CLIC4: variants seen among roughly 807,000 people sequenced by gnomAD.
CLIC4 encodes CLIC family member 4.
CLIC4 carries 13 observed loss-of-function variants against 24.6 expected under a neutral mutation model. The ratio of observed to expected loss-of-function variants is 0.53; its 90% CI spans 0.34 to 0.84. CLIC4 has a LOEUF of 0.84. CLIC4 is among the 40% of genes least tolerant of loss of function. The pLI is 0.01. For missense variants in CLIC4, 227 were observed against 301.7 expected (o/e 0.75, Z 1.83); for synonymous variants, 104 against 111.3 (o/e 0.93, Z 0.41).
intron 2 of CLIC4, among the ~76,000 whole-genome samples, chr1:24,812,616 TA>T (rs961186330): frequency 3.1e-4 from 46 of 150,434 alleles, no homozygotes; most frequent in East Asian, 9.7e-4. Flanking sequence ...GTATTTTGGT[TA>T]AAAAAAAAAT....
rs1639967997 is a variant in CLIC4 at position 24,843,978 on chromosome 1, A to G, written c.*3041A>G. On this transcript the variant is annotated 3_prime_UTR_variant, in exon 6 of 6. Coordinates refer to ENST00000374379, the MANE Select transcript of CLIC4 (RefSeq NM_013943.3). ...TGCATTAATTTGAATTTAAGCATTT[A>G]ATTCAAAGAGAGGGGAGCATCCATT... 1 of 152,646 alleles carries G rather than the reference A, an allele frequency of 6.6e-6. No homozygotes were observed. The highest frequency in any genetic ancestry group is 1.5e-5 in the Non-Finnish European group (1 of 68,020). 9.5% of individuals were successfully genotyped at this position (152,646 alleles called of 1,614,324 possible). A position where few individuals can be genotyped will look rare whatever the true frequency, so the allele number is the denominator to read the frequency against.
chr1:24,781,124 A>C, intron 1 of CLIC4, among the ~76,000 whole-genome samples: 1 of 136,174 alleles, frequency 7.3e-6, no homozygotes, highest in African/African-American at 2.7e-5. Flanking sequence ...TTGAAAGGAC[A>C]GGTAACTGAA....
chr1:24,815,922 T>C (rs746698172), intron 3 of CLIC4, among the ~76,000 whole-genome samples: 1 of 152,192 alleles, frequency 6.6e-6, no homozygotes, highest in African/African-American at 2.4e-5. Flanking sequence ...AAATTCCTTG[T>C]TGTCATTTCA....
chr1:24,797,665 T>G (rs887233328), intron 1 of CLIC4, 77 bp from the exon 2 acceptor site: 7 of 1,024,348 alleles, frequency 6.8e-6, no homozygotes, highest in African/African-American at 1.6e-5. Flanking sequence ...TACTCTTGAT[T>G]AAAATTCAGA....
At chr1:24,748,429 TAAG>T (rs1638732534) in intron 1 of CLIC4, among the ~76,000 whole-genome samples, 2 of 149,908 alleles carry the variant, frequency 1.3e-5, no homozygotes, top group Admixed American at 1.3e-4. Context: ...ATTTGTGAAA[TAAG>T]AAATGTTTTC....
At chr1:24,799,688 G>T (rs113959050) in intron 2 of CLIC4, among the ~76,000 whole-genome samples, 1 of 141,672 alleles carries the variant, frequency 7.1e-6, no homozygotes, top group Admixed American at 6.8e-5. Context: ...CGCCCCGTCC[G>T]GGAGGGAGGT....
intron 2 of CLIC4, among the ~76,000 whole-genome samples, chr1:24,798,668 G>A (rs185051461): frequency 6.6e-6 from 1 of 151,268 alleles, no homozygotes; most frequent in Admixed American, 6.6e-5. Context: ...CTCTTTCCAC[G>A]GTCTCCCTCT....
At chr1:24,793,133 GTTCT>G (rs893769414) in intron 1 of CLIC4, 35 of 146,066 alleles carry the variant, frequency 2.4e-4, no homozygotes, top group African/African-American at 8.8e-4. Context: ...AGTCAGACTA[GTTCT>G]TTGTGTACCA....
At chr1:24,822,537 C>T (rs1044423426) in intron 3 of CLIC4, among the ~76,000 whole-genome samples, 6 of 151,532 alleles carry the variant, frequency 4.0e-5, no homozygotes, top group Non-Finnish European at 7.4e-5. Flanking sequence ...TTAGTAGAGA[C>T]GGGGTTTCAC....
intron 4 of CLIC4, among the ~76,000 whole-genome samples, chr1:24,837,479 G>C (rs915778788): frequency 5.9e-5 from 9 of 152,172 alleles, no homozygotes; most frequent in Non-Finnish European, 1.2e-4. Context: ...AAGAAGTAAG[G>C]TTATACTTTC....
At chr1:24,839,409 C>G (rs1156811735) in intron 4 of CLIC4, among the ~76,000 whole-genome samples, 3 of 152,180 alleles carry the variant, frequency 2.0e-5, no homozygotes, top group Non-Finnish European at 4.4e-5. Flanking sequence ...ACGCCATTCT[C>G]CTGCCTCAGC....
intron 3 of CLIC4, among the ~76,000 whole-genome samples, chr1:24,817,712 CT>C (rs1397166683): frequency 6.6e-6 from 1 of 152,210 alleles, no homozygotes; most frequent in African/African-American, 2.4e-5. Flanking sequence ...CCTATCTCAG[CT>C]TTTGGCCTGT....
At chr1:24,814,021 T>C in intron 2 of CLIC4, 73 bp from the exon 3 acceptor site, 2 of 1,591,788 alleles carry the variant, frequency 1.3e-6, no homozygotes, top group African/African-American at 2.7e-5. Context: ...CTGGCCAACT[T>C]TGAGAATTTA....
At chr1:24,751,782 T>G (rs1428725394) in intron 1 of CLIC4, among the ~76,000 whole-genome samples, 1 of 152,180 alleles carries the variant, frequency 6.6e-6, no homozygotes, top group East Asian at 1.9e-4. Flanking sequence ...GAGAATCACT[T>G]GAACCCGGGA....
At chr1:24,770,142 G>C (rs943783673) in intron 1 of CLIC4, among the ~76,000 whole-genome samples, 3 of 152,118 alleles carry the variant, frequency 2.0e-5, no homozygotes, top group Admixed American at 6.6e-5. Flanking sequence ...GAGCCATTGT[G>C]CTTGGCCTCA....
chr1:24,818,813 A>C (rs201640541), intron 3 of CLIC4, among the ~76,000 whole-genome samples: 1 of 36 alleles, frequency 0.028, no homozygotes, highest in Non-Finnish European at 0.1. Flanking sequence ...GTCTTAATTT[A>C]AAAAAAAAAA....
chr1:24,756,679 G>A (rs1214789833), intron 1 of CLIC4, among the ~76,000 whole-genome samples: 1 of 152,022 alleles, frequency 6.6e-6, no homozygotes, highest in East Asian at 1.9e-4. Flanking sequence ...AACAAATATT[G>A]AAGAATACAA....
At chr1:24,822,429 A>G (rs1275084893) in intron 3 of CLIC4, among the ~76,000 whole-genome samples, 2 of 143,176 alleles carry the variant, frequency 1.4e-5, no homozygotes, top group Non-Finnish European at 3.0e-5. Flanking sequence ...GCTCATTGCA[A>G]CCTCCACTTG....
At chr1:24,778,713 C>T (rs1236167106) in intron 1 of CLIC4, among the ~76,000 whole-genome samples, 1 of 152,160 alleles carries the variant, frequency 6.6e-6, no homozygotes, top group Non-Finnish European at 1.5e-5. Flanking sequence ...AGACTTGTTC[C>T]TCCTTTTAGG....
Sources: gnomAD v4.1 joint callset for allele counts (sites outside exome capture counted in the v4.1 genomes callset) on GRCh38, gnomAD v4.1.1 for gene constraint, MANE v1.5 for transcripts, NCBI Gene and HGNC (gene_info 2026-07-23, HGNC 2026-07-21) for gene names.